The following ABCB4 variants were observed in gnomAD, a reference collection of about 807,000 sequenced individuals.
ABCB4 encodes the protein ATP binding cassette subfamily B member 4.
Under a neutral mutation model 145.7 loss-of-function variants are expected in ABCB4, and 76 were observed. The observed-to-expected ratio is 0.52, with a 90% CI of 0.43 to 0.63. ABCB4 has a LOEUF of 0.63. Ranked by LOEUF, ABCB4 falls within the 30% of genes least tolerant of loss-of-function variation. The pLI is 0.00. For missense variants in ABCB4, 1,234 were observed against 1,553.1 expected, an observed-to-expected ratio of 0.79 and a Z score of 3.45; for synonymous variants, 517 against 566.8, an observed-to-expected ratio of 0.91 and a Z score of 1.25.
Position 87,462,766 on chromosome 7 carries a change from G to T in ABCB4, c.278C>A (p.Ser93Tyr), listed in dbSNP as rs549410640. 2 of 1,613,872 alleles carry T rather than the reference G, an allele frequency of 1.2e-6. No homozygotes were observed. Among genetic ancestry groups the T allele is most frequent in the African/African-American group, 2.7e-5 (2 of 75,004 alleles). The part of the protein sequence containing the change: ...DKFVDTAGNF[S>Y]FPVNFSLSLL... The stretch of plus-strand genomic sequence containing the variant: ...GGTAAAGAAATGCTTACCTGGAAAG[G>T]AGAAGTTTCCTGCAGTATCAACAAA... The change falls in exon 4 of 28, where the codon TCC (serine) becomes TAC (tyrosine). Residue 93 changes from serine to tyrosine, a missense_variant. Physicochemically the swap from Ser to Tyr is moderately radical, Grantham distance 144. Coordinates refer to ENST00000649586, the MANE Select transcript of ABCB4 (RefSeq NM_000443.4).
chr7:87,406,172 G>T, intron 26 of ABCB4, 116 bp downstream of exon 26: 2 of 1,090,802 alleles, frequency 1.8e-6, no homozygotes, highest in Non-Finnish European at 2.8e-6. Context: ...CCTTGTCCAA[G>T]TTGTTAATGT....
intron 5 of ABCB4, 75 bp downstream of exon 5, chr7:87,454,460 A>T (rs1438057363): frequency 3.4e-6 from 4 of 1,186,094 alleles, no homozygotes; most frequent in African/African-American, 1.5e-5. Flanking sequence ...CGTTATTTGT[A>T]TATTCTTATA....
At chr7:87,393,374 T>C in the ABCB4 span, among the ~76,000 whole-genome samples, 1 of 152,188 alleles carries the variant, frequency 6.6e-6, no homozygotes, top group East Asian at 1.9e-4. Flanking sequence ...CAAGGTATTT[T>C]ATAATAAGCT....
At chr7:87,460,961 T>C (rs1040780810) in intron 4 of ABCB4, among the ~76,000 whole-genome samples, 1 of 151,744 alleles carries the variant, frequency 6.6e-6, no homozygotes, top group South Asian at 2.1e-4. Context: ...TCCCATTTCT[T>C]TAAAGACTTT....
chr7:87,468,366 T>C (rs142202084), intron 3 of ABCB4, among the ~76,000 whole-genome samples: 3 of 152,100 alleles, frequency 2.0e-5, no homozygotes, highest in Admixed American at 6.5e-5. Context: ...AATCTCTGAA[T>C]AGACCAATAA....
Position 87,420,191 on chromosome 7 carries a change from A to G in ABCB4, c.2317-116T>C, listed in dbSNP as rs570801595. 709 of 929,014 alleles carry G rather than the reference A, an allele frequency of 7.6e-4. 1 individual carries two copies. Among genetic ancestry groups the G allele is most frequent in the Non-Finnish European group, 1.1e-3 (620 of 572,610 alleles). 57.5% of individuals were successfully genotyped at this position (929,014 alleles called of 1,614,324 possible). The stretch of plus-strand genomic sequence containing the variant: ...ATGAGTTGTTTTACAGTTGCCACGG[A>G]TCCTCAAGTCATGTTAATAACCTGA... On this transcript the variant is annotated intron_variant, in intron 18 of 27. Coordinates refer to ENST00000649586, the MANE Select transcript of ABCB4 (RefSeq NM_000443.4).
At chr7:87,396,462 T>C in the ABCB4 span, among the ~76,000 whole-genome samples, 4 of 152,162 alleles carry the variant, frequency 2.6e-5, no homozygotes, top group African/African-American at 9.7e-5. Context: ...ATGGCTTTTA[T>C]GACATGCACT....
At chr7:87,381,975 G>A in the ABCB4 span, 1 of 1,607,784 alleles carries the variant, frequency 6.2e-7, no homozygotes, top group East Asian at 2.2e-5. Flanking sequence ...AAATTTTTCA[G>A]AATGAAGGAA....
intron 5 of ABCB4, 55 bp downstream of exon 5, chr7:87,454,480 T>C (rs1811980569): frequency 7.5e-7 from 1 of 1,332,898 alleles, no homozygotes; most frequent in Admixed American, 1.8e-5. Flanking sequence ...AACTCTGTAA[T>C]TGGAAATTAT....
chr7:87,402,190 C>T lies in ABCB4; in HGVS notation c.3746G>A (p.Arg1249Lys), dbSNP rs2116295192. The T allele has an allele frequency of 6.2e-7, 1 of 1,614,118 alleles. No homozygotes were observed. Among genetic ancestry groups the T allele is most frequent in the East Asian group, 2.2e-5 (1 of 44,880 alleles). Residue 1249 changes from arginine to lysine, a missense_variant, in exon 28 of 28, where the codon AGA becomes AAA. By Grantham distance (26) the Arg-to-Lys change is conservative. Coordinates refer to ENST00000649586, the MANE Select transcript of ABCB4 (RefSeq NM_000443.4). ...CTGATGCGTGCCATGCTCCTTGACTCTCCCATTCTGAAACACCACTATTAA... is the reference window on the plus strand; with the variant it reads ...CTGATGCGTGCCATGCTCCTTGACTTTCCCATTCTGAAACACCACTATTAA... ...ADLIVVFQNG[R>K]VKEHGTHQQL...
chr7:87,427,035 C>T (rs1809882416), intron 15 of ABCB4, 115 bp from the exon 16 acceptor site: 14 of 924,386 alleles, frequency 1.5e-5, no homozygotes, highest in Non-Finnish European at 2.2e-5. Context: ...TGGAATATTA[C>T]ATGTATCAAG....
the ABCB4 span, among the ~76,000 whole-genome samples, chr7:87,389,896 G>A: frequency 8.6e-3 from 1,311 of 151,940 alleles, 32 homozygotes; most frequent in African/African-American, 0.03. Flanking sequence ...AATTTCACGC[G>A]GTATTTTTTT....
rs149270080 is a variant in ABCB4 at position 87,407,259 on chromosome 7, C to T, written c.3280-765G>A. 4.6e-5 allele frequency among the ~76,000 whole-genome samples: 7 copies of T among 152,306 alleles called. No individual in the cohort carries two copies. In the East Asian group the frequency reaches 1.3e-3, roughly 29 times the overall value. On this transcript the variant is annotated intron_variant, in intron 25 of 27. Transcript: ENST00000649586. The stretch of plus-strand genomic sequence containing the variant: ...AAGAAAAAAATTCCCACCATCGTAT[C>T]AGCACACCATATTTACAGAGTTTTG...
At chr7:87,452,262 C>G in intron 6 of ABCB4, 1 of 233,932 alleles carries the variant, frequency 4.3e-6, no homozygotes, top group Non-Finnish European at 8.4e-6. Context: ...AAATGCAAGT[C>G]TGACCATGCT....
chr7:87,382,607 C>A, the ABCB4 span: 3 of 1,489,978 alleles, frequency 2.0e-6, no homozygotes, highest in African/African-American at 2.8e-5. Flanking sequence ...TTTTTTATAG[C>A]TATTTCATCC....
intron 27 of ABCB4, 44 bp downstream of exon 27, chr7:87,403,091 A>G: frequency 3.1e-6 from 5 of 1,607,844 alleles, no homozygotes; most frequent in Non-Finnish European, 4.3e-6. Flanking sequence ...AATCCCTTCT[A>G]TTTCATAAAT....
At chr7:87,393,620 C>T in the ABCB4 span, among the ~76,000 whole-genome samples, 12 of 152,206 alleles carry the variant, frequency 7.9e-5, no homozygotes, top group East Asian at 2.1e-3. Context: ...GATAGCAAGG[C>T]TTGTAAGGTC....
At chr7:87,378,996 C>T in the ABCB4 span, among the ~76,000 whole-genome samples, 8 of 152,220 alleles carry the variant, frequency 5.3e-5, no homozygotes, top group Non-Finnish European at 1.0e-4. Context: ...TTTGAGTCTA[C>T]TGTTGACAGA....
Position 87,450,005 on chromosome 7 carries a change from C to T in ABCB4, c.796G>A (p.Val266Met). Residue 266 changes from valine (V) to methionine (M), a missense_variant, in exon 8 of 28, where the codon GTG becomes ATG. Val to Met is a conservative substitution (Grantham distance 21). Around this residue, in one of 7 missense-constraint regions of ABCB4, gnomAD observed 467 missense variants for 632.8 expected, o/e 0.74. Coordinates refer to ENST00000649586, the MANE Select transcript of ABCB4 (RefSeq NM_000443.4). ...AEEALGAIRT[V>M]IAFGGQNKEL... ...TTGTTCTGGCCCCCGAAAGCTATCACAGTCCTGATGGCCCCCAGAGCCTCT... is the reference window on the plus strand; with the variant it reads ...TTGTTCTGGCCCCCGAAAGCTATCATAGTCCTGATGGCCCCCAGAGCCTCT... 1 of 1,614,182 alleles carries T rather than the reference C, an allele frequency of 6.2e-7. No homozygotes were observed. Among genetic ancestry groups the T allele is most frequent in the Non-Finnish European group, 8.5e-7 (1 of 1,180,018 alleles).
Sources: allele counts gnomAD v4.1 joint callset (sites outside exome capture counted in the v4.1 genomes callset), GRCh38; gene constraint gnomAD v4.1.1; regional missense constraint gnomAD v4.1.1; transcripts MANE v1.5; gene names NCBI Gene and HGNC (gene_info 2026-07-23, HGNC 2026-07-21).